The following ZNF469 variants were observed in gnomAD, a reference collection of about 807,000 sequenced individuals.
ZNF469 encodes the protein zinc finger protein 469.
In ZNF469, 1 loss-of-function variant was observed where a neutral mutation model predicts 1.0. The ratio of observed to expected loss-of-function variants is 1.00; its 90% CI spans 0.35 to 4.73. ZNF469 has a LOEUF of 4.73. Ranked by LOEUF, ZNF469 falls within the 30% of genes most tolerant of loss-of-function variation. ZNF469 has a pLI of 0.16. For synonymous variants in ZNF469, 2,703 were observed against 2,363.4 expected (o/e 1.14, Z -4.17); for missense variants, 6,100 against 5,356.3 (o/e 1.14, Z -4.33).
the ZNF469 span, among the ~76,000 whole-genome samples, chr16:88,277,632 G>A: frequency 0.073 from 5,882 of 80,144 alleles, 1,920 homozygotes; most frequent in Non-Finnish European, 0.1. Context: ...AGATAGCAGT[G>A]CATGGTTAGT....
the ZNF469 span, among the ~76,000 whole-genome samples, chr16:88,348,020 C>T: frequency 2.5e-3 from 383 of 152,388 alleles, 2 homozygotes; most frequent in African/African-American, 7.7e-3. Flanking sequence ...ACGTCCTCCT[C>T]GCTGTGGAAG....
chr16:88,229,761 C>T, the ZNF469 span, among the ~76,000 whole-genome samples: 1 of 152,206 alleles, frequency 6.6e-6, no homozygotes, highest in South Asian at 2.1e-4. Flanking sequence ...CCCTCCTCAC[C>T]AACAAACTGC....
At chr16:88,114,381 C>T in the ZNF469 span, among the ~76,000 whole-genome samples, 1 of 133,876 alleles carries the variant, frequency 7.5e-6, no homozygotes, top group Non-Finnish European at 1.6e-5. Context: ...CACACTCACT[C>T]ACTGTGGGGG....
At chr16:88,260,097 C>G in the ZNF469 span, among the ~76,000 whole-genome samples, 1 of 151,890 alleles carries the variant, frequency 6.6e-6, no homozygotes, top group Non-Finnish European at 1.5e-5. This position sits in a 1 kb window ranked among gnomAD's most constrained non-coding sequence, Gnocchi z 4.1. Flanking sequence ...CCTGCCTCAG[C>G]CTCCTGAGTG....
chr16:88,214,409 G>A, the ZNF469 span, among the ~76,000 whole-genome samples: 3 of 152,034 alleles, frequency 2.0e-5, no homozygotes, highest in Non-Finnish European at 4.4e-5. Flanking sequence ...GGCATTTGAA[G>A]AGGGGTGTTA....
At chr16:88,363,017 A>G in the ZNF469 span, among the ~76,000 whole-genome samples, 2 of 152,174 alleles carry the variant, frequency 1.3e-5, no homozygotes, top group Non-Finnish European at 2.9e-5. Flanking sequence ...TTCTCATTTC[A>G]GATATTGTAT....
chr16:88,283,559 T>G, the ZNF469 span, among the ~76,000 whole-genome samples: 1 of 152,190 alleles, frequency 6.6e-6, no homozygotes, highest in Non-Finnish European at 1.5e-5. Flanking sequence ...TGTTTGAAAA[T>G]TTTCCCAATA....
In ZNF469 at chr16:88,433,665, C is replaced by T; in HGVS notation, c.6195C>T (p.Ser2065=). 6.5e-7 allele frequency: 1 copy of T among 1,550,002 alleles called. No homozygotes were observed. Among genetic ancestry groups the T allele is most frequent in the South Asian group, 1.2e-5 (1 of 84,062 alleles). The part of the protein sequence containing the change: ...TPSPPSPNRE[S]LALALTAAHS... ...GCCCCCCGTCCCCTAATAGGGAGTC[C>T]CTGGCGCTGGCCTTGACAGCAGCCC... Residue 2065 remains serine, a synonymous_variant, in exon 3 of 3, where the codon TCC becomes TCT. Coordinates refer to ENST00000565624, the MANE Select transcript of ZNF469 (RefSeq NM_001367624.2).
the ZNF469 span, among the ~76,000 whole-genome samples, chr16:88,357,138 C>G: frequency 6.6e-6 from 1 of 152,354 alleles, no homozygotes; most frequent in African/African-American, 2.4e-5. Flanking sequence ...GGTTGGTGGT[C>G]TCCCTGGCAG....
the ZNF469 span, among the ~76,000 whole-genome samples, chr16:88,223,484 T>A: frequency 6.6e-6 from 1 of 152,164 alleles, no homozygotes; most frequent in Admixed American, 6.5e-5. Flanking sequence ...GTAAACACCA[T>A]GTGGGGTGTT....
chr16:88,401,932 ATAGATACGTGGGTGGAT>A (rs1904887647), intron 1 of ZNF469, among the ~76,000 whole-genome samples: 1 of 126,366 alleles, frequency 7.9e-6, no homozygotes, highest in African/African-American at 3.0e-5. Flanking sequence ...GGATGGATGG[ATAGATACGTGGGTGGAT>A]GGGAAGATGG....
In ZNF469 at chr16:88,428,227, G is replaced by A. The variant is rs750372510; in HGVS notation, c.757G>A (p.Ala253Thr). 42 of 1,550,274 alleles carry A rather than the reference G, an allele frequency of 2.7e-5. No homozygotes were observed. The highest frequency in any genetic ancestry group is 1.4e-4 in the Admixed American group (7 of 51,002). The change falls in exon 3 of 3, where the codon GCC (alanine) becomes ACC (threonine). Residue 253 changes from alanine to threonine, a missense_variant. Transcript: ENST00000565624. ...FPGANFGVPP[A>T]EPEPIPKGSR... Reference sequence around the variant, plus strand: ...AGGTGCTAATTTCGGGGTTCCCCCCGCCGAGCCGGAACCTATTCCCAAAGG... The same window carrying A: ...AGGTGCTAATTTCGGGGTTCCCCCCACCGAGCCGGAACCTATTCCCAAAGG...
In ZNF469 at chr16:88,428,823, T is replaced by A; in HGVS notation, c.1353T>A (p.Pro451=). The A allele has an allele frequency of 6.5e-7, 1 of 1,547,232 alleles. No individual in the cohort carries two copies. Among genetic ancestry groups the A allele is most frequent in the East Asian group, 2.4e-5 (1 of 40,844 alleles). ...CCACAGCAGCCCCTTACCCCACACC[T>A]CCTGGGGGCCCCCTGGCTGCCACCA... ...WDPTAAPYPT[P]PGGPLAATRS... The change falls in exon 3 of 3, where the codon CCT becomes CCA. Residue 451 remains proline (P), a synonymous_variant. Transcript: ENST00000565624.
the ZNF469 span, among the ~76,000 whole-genome samples, chr16:88,205,681 C>T: frequency 2.0e-5 from 3 of 152,204 alleles, no homozygotes; most frequent in Non-Finnish European, 4.4e-5. The surrounding 1 kb of genome is among the most constrained non-coding windows in gnomAD (Gnocchi z 4.2). Flanking sequence ...AACCGGCTCC[C>T]AAACCCCGCG....
the ZNF469 span, among the ~76,000 whole-genome samples, chr16:88,286,466 C>T: frequency 5.9e-5 from 9 of 152,268 alleles, no homozygotes; most frequent in African/African-American, 2.2e-4. Flanking sequence ...GTATTTACAC[C>T]TTCCTGCCAA....
At chr16:88,357,984 T>TACAGA in the ZNF469 span, among the ~76,000 whole-genome samples, 1 of 152,204 alleles carries the variant, frequency 6.6e-6, no homozygotes, top group Non-Finnish European at 1.5e-5. Flanking sequence ...AAATGTCCAC[T>TACAGA]TGTCCTGGGA....
the ZNF469 span, among the ~76,000 whole-genome samples, chr16:88,193,335 G>T: frequency 6.6e-6 from 1 of 151,878 alleles, no homozygotes; most frequent in Admixed American, 6.6e-5. Context: ...TGGTGACGGT[G>T]GTGATGATAA....
At chr16:88,384,871 T>A (rs1408853773) in intron 1 of ZNF469, among the ~76,000 whole-genome samples, 2 of 152,144 alleles carry the variant, frequency 1.3e-5, no homozygotes, top group African/African-American at 2.4e-5. Context: ...TTACTGACTC[T>A]GCTTGGATAC....
At chr16:88,103,424 C>G in the ZNF469 span, among the ~76,000 whole-genome samples, 1 of 152,232 alleles carries the variant, frequency 6.6e-6, no homozygotes, top group African/African-American at 2.4e-5. Context: ...AGACCCAGCT[C>G]AGAAACTCAG....
Sources: gnomAD v4.1 joint callset for allele counts (sites outside exome capture counted in the v4.1 genomes callset) on GRCh38, gnomAD v4.1.1 for gene constraint, Gnocchi (gnomAD v3.1) non-coding constraint, MANE v1.5 for transcripts, NCBI Gene and HGNC (gene_info 2026-07-23, HGNC 2026-07-21) for gene names.